The following MYO9B variants were observed in gnomAD, a reference collection of about 807,000 sequenced individuals.
MYO9B encodes myosin IXB.
In MYO9B, 71 loss-of-function variants were observed where a neutral mutation model predicts 229.5. That is an observed-to-expected ratio of 0.31 (90% confidence interval 0.26 to 0.38). The LOEUF is 0.38. MYO9B is among the 10% of genes least tolerant of loss of function. MYO9B has a pLI of 1.00. For synonymous variants in MYO9B, 1,185 were observed against 1,235.8 expected (o/e 0.96, Z 0.86); for missense variants, 2,255 against 2,920.5 (o/e 0.77, Z 5.25).
At position 17,101,492 on chromosome 19, in the gene MYO9B, C is replaced by A. The variant is rs1255087342; in HGVS notation, c.-58-168C>A. ...GAGGTCACATTGAAGGACAGACAGACCCTCACGGGATGTCGTGACTGGTTG... is the reference window on the plus strand; with the variant it reads ...GAGGTCACATTGAAGGACAGACAGAACCTCACGGGATGTCGTGACTGGTTG... On this transcript the variant is annotated intron_variant, in intron 1 of 39. Transcript: ENST00000682292. The surrounding 1 kb of genome is among the most constrained non-coding windows in gnomAD (Gnocchi z 4.7). Among the ~76,000 whole-genome samples, 4 of 152,142 alleles carry A rather than the reference C, an allele frequency of 2.6e-5. No individual in the cohort carries two copies. Among genetic ancestry groups the A allele is most frequent in the African/African-American group, 9.7e-5 (4 of 41,430 alleles).
At position 17,202,399 on chromosome 19, in the gene MYO9B, A is replaced by T. The variant is rs910631544; in HGVS notation, c.4836+96A>T. 5 of 1,246,668 alleles carry T rather than the reference A, an allele frequency of 4.0e-6. No homozygotes were observed. The East Asian group carries it at 1.3e-4, about 32-fold the overall frequency. The allele number at this position is 1,246,668 out of a possible 1,614,324, so 77.2% of individuals were successfully genotyped here. ...CGCCCACCCATGCCTCACCATGCTT[A>T]TGCCACACCCACCCATGCCCTGCCC... On this transcript the variant is annotated intron_variant, in intron 28 of 39. Transcript: ENST00000682292.
intron 33 of MYO9B, 149 bp from the exon 34 acceptor site, chr19:17,206,530 G>T (rs2073164297): frequency 7.6e-7 from 1 of 1,307,272 alleles, no homozygotes; most frequent in African/African-American, 1.5e-5. Context: ...CCCAGTTTGG[G>T]GTGGGGCCAG....
At chr19:17,165,759 T>G (rs1226819906) in intron 10 of MYO9B, among the ~76,000 whole-genome samples, 2 of 152,010 alleles carry the variant, frequency 1.3e-5, no homozygotes, top group African/African-American at 4.8e-5. Context: ...TAGGCAACAG[T>G]GTGAGACCCT....
chr19:17,156,111 C>CCAT (rs2072534635), intron 6 of MYO9B, among the ~76,000 whole-genome samples: 1 of 152,076 alleles, frequency 6.6e-6, no homozygotes, highest in Admixed American at 6.6e-5. Context: ...AAGTACCATC[C>CCAT]CATCAAGTTC....
Position 17,102,574 on chromosome 19 carries a change from G to A in MYO9B, c.840+17G>A. The A allele has an allele frequency of 1.3e-6, 2 of 1,553,324 alleles. No homozygotes were observed. The highest frequency in any genetic ancestry group is 1.7e-6 in the Non-Finnish European group (2 of 1,148,236). On this transcript the variant is annotated intron_variant, in intron 2 of 39. Transcript: ENST00000682292. ...GTGCTGGAGGTGAGCGGGGAAGCTG[G>A]TCGGTCTGTGGGAGGGGGCATTTGT...
chr19:17,088,244 G>A (rs938225098), intron 1 of MYO9B, among the ~76,000 whole-genome samples: 5 of 152,136 alleles, frequency 3.3e-5, no homozygotes, highest in African/African-American at 9.7e-5. Context: ...TTCACGTGCC[G>A]CCTTCTCTCT....
At chr19:17,154,894 C>T (rs2072520562) in intron 6 of MYO9B, among the ~76,000 whole-genome samples, 1 of 151,918 alleles carries the variant, frequency 6.6e-6, no homozygotes, top group Non-Finnish European at 1.5e-5. Flanking sequence ...CCTGGGAGGA[C>T]AAGGCTGCAG....
At chr19:17,209,486 C>G in intron 35 of MYO9B, 100 bp from the exon 36 acceptor site, 1 of 1,352,794 alleles carries the variant, frequency 7.4e-7, no homozygotes, top group Non-Finnish European at 1.0e-6. Context: ...GTCTCTGAGC[C>G]TCAACCACTG....
intron 35 of MYO9B, 67 bp downstream of exon 35, chr19:17,207,311 A>T (rs936759048): frequency 6.5e-7 from 1 of 1,540,174 alleles, no homozygotes; most frequent in African/African-American, 1.4e-5. Context: ...CGACAGCTCC[A>T]TCCATCCCTG....
intron 2 of MYO9B, among the ~76,000 whole-genome samples, chr19:17,143,962 C>G (rs2145228140): frequency 6.6e-6 from 1 of 152,128 alleles, no homozygotes; most frequent in South Asian, 2.1e-4. Context: ...CTGTTGGATA[C>G]TAGGCTTAGT....
At chr19:17,117,155 G>A (rs1260249318) in intron 2 of MYO9B, among the ~76,000 whole-genome samples, 1 of 152,168 alleles carries the variant, frequency 6.6e-6, no homozygotes, top group Non-Finnish European at 1.5e-5. Flanking sequence ...TATGGAGACA[G>A]GGGACCCATC....
At chr19:17,116,428 G>A (rs2057904488) in intron 2 of MYO9B, among the ~76,000 whole-genome samples, 1 of 152,232 alleles carries the variant, frequency 6.6e-6, no homozygotes, top group African/African-American at 2.4e-5. Context: ...CTCAGAGGGT[G>A]TACTGGAGCT....
chr19:17,212,097 C>G lies in MYO9B; in HGVS notation c.6261C>G (p.Ala2087=). The change falls in exon 40 of 40, where the codon GCC becomes GCG. Residue 2087 remains alanine (A), a synonymous_variant. Coordinates refer to ENST00000682292, the MANE Select transcript of MYO9B (RefSeq NM_004145.4). The surrounding 1 kb of genome is among the most constrained non-coding windows in gnomAD (Gnocchi z 5.4). The part of the protein sequence containing the change: ...PSHLPRWAPG[A]REAAAPVRRR... ...ACCTGCCTCGCTGGGCACCGGGTGC[C>G]CGGGAGGCGGCTGCCCCAGTGCGGC... 1 of 1,590,384 alleles carries G rather than the reference C, an allele frequency of 6.3e-7. No homozygotes were observed.
Position 17,163,243 on chromosome 19 carries a change from G to T in MYO9B, c.1671+121G>T, listed in dbSNP as rs779724439. On this transcript the variant is annotated intron_variant, in intron 10 of 39. Transcript: ENST00000682292. ...CGGCGGTAAGTACATTCACATATTC[G>T]CATTGTTATGCAAACGCCACCACCA... is the stretch of plus-strand genomic sequence containing the variant. The T allele has an allele frequency of 5.5e-6, 6 of 1,098,770 alleles. No individual in the cohort carries two copies. In the African/African-American group the frequency reaches 8.0e-5, roughly 15 times the overall value. The allele number at this position is 1,098,770 out of a possible 1,614,324, so 68.1% of individuals were successfully genotyped here.
At chr19:17,196,214 G>C (rs2073041583) in intron 22 of MYO9B, among the ~76,000 whole-genome samples, 1 of 151,560 alleles carries the variant, frequency 6.6e-6, no homozygotes, top group South Asian at 2.1e-4. Flanking sequence ...GGAAGATAGA[G>C]ATGATGGAGG....
chr19:17,113,079 A>G (rs1036994858), intron 2 of MYO9B, among the ~76,000 whole-genome samples: 2 of 152,236 alleles, frequency 1.3e-5, no homozygotes, highest in Non-Finnish European at 2.9e-5. Context: ...CAATACCTGC[A>G]GTCAGCACCC....
intron 24 of MYO9B, among the ~76,000 whole-genome samples, chr19:17,199,956 C>T (rs1169744922): frequency 6.6e-6 from 1 of 151,968 alleles, no homozygotes; most frequent in Admixed American, 6.6e-5. Context: ...CCTGCAACCT[C>T]CACCTCCTGG....
At chr19:17,117,232 G>C (rs2057913487) in intron 2 of MYO9B, among the ~76,000 whole-genome samples, 1 of 152,126 alleles carries the variant, frequency 6.6e-6, no homozygotes, top group African/African-American at 2.4e-5. Flanking sequence ...TCAGCCACAG[G>C]GCCTGGCTGC....
chr19:17,207,186 C>T lies in MYO9B; in HGVS notation c.5566C>T (p.Arg1856Cys), dbSNP rs1366522811. ...LAIIFAPCLL[R>C]CPDNSDPLTS... ...CATTATCTTCGCACCCTGCCTCCTG[C>T]GCTGCCCTGACAACTCGGACCCGCT... The change falls in exon 35 of 40, where the codon CGC (arginine) becomes TGC (cysteine). Residue 1856 changes from arginine (R) to cysteine (C), a missense_variant. Physicochemically the swap from Arg to Cys is radical, Grantham distance 180 (BLOSUM62 -3). Around this residue, in one of 7 missense-constraint regions of MYO9B, gnomAD observed 416 missense variants for 605.5 expected, o/e 0.69. Coordinates refer to ENST00000682292, the MANE Select transcript of MYO9B (RefSeq NM_004145.4). 6 of 1,604,206 alleles carry T rather than the reference C, an allele frequency of 3.7e-6. No individual in the cohort carries two copies. Among genetic ancestry groups the T allele is most frequent in the Non-Finnish European group, 4.3e-6 (5 of 1,176,308 alleles).
Sources: allele counts gnomAD v4.1 joint callset (sites outside exome capture counted in the v4.1 genomes callset), GRCh38; gene constraint gnomAD v4.1.1; regional missense constraint gnomAD v4.1.1; non-coding constraint Gnocchi (gnomAD v3.1); transcripts MANE v1.5; gene names NCBI Gene and HGNC (gene_info 2026-07-23, HGNC 2026-07-21).